Variants in GPR149 observed in about 807,000 individuals in gnomAD.
The protein encoded by GPR149 is G protein-coupled receptor 149, also known as probable G protein-coupled receptor 149.
Under a neutral mutation model 50.2 loss-of-function variants are expected in GPR149, and 50 were observed. The observed-to-expected ratio is 1.00, with a 90% CI of 0.79 to 1.26. The LOEUF (loss-of-function observed/expected upper bound fraction) is 1.26, where lower values mean the gene tolerates loss of function less well. Ranked by LOEUF, GPR149 falls within the 50% of genes most tolerant of loss-of-function variation. The pLI is 0.00. For synonymous variants in GPR149, 405 were observed against 358.2 expected, an observed-to-expected ratio of 1.13 and a Z score of -1.48; for missense variants, 983 against 895.4, an observed-to-expected ratio of 1.10 and a Z score of -1.25.
intron 3 of GPR149, among the ~76,000 whole-genome samples, chr3:154,403,102 C>T (rs966675730): frequency 6.6e-6 from 1 of 152,158 alleles, no homozygotes; most frequent in Non-Finnish European, 1.5e-5. Flanking sequence ...AGCAGGGCTT[C>T]TGTCTTTGGC....
intron 3 of GPR149, among the ~76,000 whole-genome samples, chr3:154,345,596 C>A (rs1713907358): frequency 6.6e-6 from 1 of 152,128 alleles, no homozygotes; most frequent in Non-Finnish European, 1.5e-5. Context: ...GAGAAGACAG[C>A]ATGCCATGTA....
chr3:154,410,850 A>T (rs550771724), intron 3 of GPR149, among the ~76,000 whole-genome samples: 1 of 152,174 alleles, frequency 6.6e-6, no homozygotes, highest in Non-Finnish European at 1.5e-5. Context: ...GACTTAACAG[A>T]TATTTACAAA....
At chr3:154,369,921 G>T (rs1448398620) in intron 3 of GPR149, among the ~76,000 whole-genome samples, 1 of 152,132 alleles carries the variant, frequency 6.6e-6, no homozygotes, top group East Asian at 1.9e-4. Context: ...CGGAGGAGAG[G>T]GAAAAATTCC....
intron 3 of GPR149, among the ~76,000 whole-genome samples, chr3:154,383,343 G>A (rs1261633661): frequency 6.6e-6 from 1 of 152,068 alleles, no homozygotes; most frequent in East Asian, 1.9e-4. Context: ...TTGAAATCAT[G>A]GGCAGTTCCA....
intron 2 of GPR149, among the ~76,000 whole-genome samples, chr3:154,426,079 T>C (rs1220169288): frequency 6.6e-6 from 1 of 152,188 alleles, no homozygotes; most frequent in Non-Finnish European, 1.5e-5. Context: ...GTTTGTGAAT[T>C]GTTTCCTTTA....
chr3:154,370,919 C>T (rs899909756), intron 3 of GPR149, among the ~76,000 whole-genome samples: 1 of 152,064 alleles, frequency 6.6e-6, no homozygotes, highest in Non-Finnish European at 1.5e-5. Context: ...GACATATTAG[C>T]CAAAGCTGGG....
At chr3:154,399,935 T>C (rs1037194988) in intron 3 of GPR149, among the ~76,000 whole-genome samples, 6 of 152,210 alleles carry the variant, frequency 3.9e-5, no homozygotes, top group African/African-American at 1.4e-4. Flanking sequence ...CTCTCAATAG[T>C]ACTTCTGTAC....
intron 2 of GPR149, 76 bp downstream of exon 2, chr3:154,427,440 A>G: frequency 1.5e-6 from 2 of 1,345,944 alleles, no homozygotes; most frequent in South Asian, 1.4e-5. Context: ...TACTGAGGCA[A>G]CTTTGTTAAT....
chr3:154,427,420 C>G, intron 2 of GPR149, 96 bp downstream of exon 2: 4 of 968,302 alleles, frequency 4.1e-6, no homozygotes, highest in Non-Finnish European at 6.2e-6. Context: ...TCCTTGGACT[C>G]TCCATCCCCT....
chr3:154,380,512 A>G (rs528162731), intron 3 of GPR149, among the ~76,000 whole-genome samples: 1 of 152,262 alleles, frequency 6.6e-6, no homozygotes, highest in South Asian at 2.1e-4. Context: ...CACTATTCCT[A>G]CATTTATATG....
At chr3:154,414,768 G>A (rs1711939999) in intron 3 of GPR149, among the ~76,000 whole-genome samples, 1 of 151,788 alleles carries the variant, frequency 6.6e-6, no homozygotes, top group African/African-American at 2.4e-5. Context: ...ACTAATTGAG[G>A]GGTATTCCAA....
chr3:154,403,412 G>A (rs762889258), intron 3 of GPR149, among the ~76,000 whole-genome samples: 1 of 152,144 alleles, frequency 6.6e-6, no homozygotes, highest in Non-Finnish European at 1.5e-5. Flanking sequence ...GAGGGTGTCA[G>A]CGCTTTTTAT....
chr3:154,338,914 C>T (rs892155195), intron 3 of GPR149, among the ~76,000 whole-genome samples: 4 of 152,058 alleles, frequency 2.6e-5, no homozygotes, highest in Non-Finnish European at 4.4e-5. Flanking sequence ...CAAAAACTTG[C>T]CTAAAAGGGT....
At position 154,337,640 on chromosome 3, in the gene GPR149, T is replaced by C; in HGVS notation, c.*59A>G. On this transcript the variant is annotated 3_prime_UTR_variant, in exon 4 of 4. Coordinates refer to ENST00000389740, the MANE Select transcript of GPR149 (RefSeq NM_001038705.3). ...AAGGAAATCAGTCTCATAACAAAGG[T>C]GTTAGTTTCACAGTTGACGTTGCAG... The C allele has an allele frequency of 1.6e-6, 2 of 1,216,420 alleles. No individual in the cohort carries two copies. The highest frequency in any genetic ancestry group is 2.0e-4 in the Middle Eastern group (1 of 5,062). The allele number at this position is 1,216,420 out of a possible 1,614,324, so 75.4% of individuals were successfully genotyped here. A position where few individuals can be genotyped will look rare whatever the true frequency, so the allele number is the denominator to read the frequency against.
Position 154,352,519 on chromosome 3 carries a change from T to G in GPR149, c.1624-14248A>C. 5 of 774,988 alleles carry G rather than the reference T, an allele frequency of 6.5e-6. No individual in the cohort carries two copies. The Admixed American group carries it at 8.5e-5, about 13-fold the overall frequency. 48.0% of individuals were successfully genotyped at this position (774,988 alleles called of 1,614,324 possible). ...TGAGACGCTGTATTACTACTTAGCTTTCTATTAAGTTCTTTCCAGGCACAG... is the reference window on the plus strand; with the variant it reads ...TGAGACGCTGTATTACTACTTAGCTGTCTATTAAGTTCTTTCCAGGCACAG... On this transcript the variant is annotated intron_variant, in intron 3 of 3. Transcript: ENST00000389740.
chr3:154,389,098 T>A (rs1425283187), intron 3 of GPR149, among the ~76,000 whole-genome samples: 1 of 152,114 alleles, frequency 6.6e-6, no homozygotes, highest in East Asian at 1.9e-4. Context: ...TTATGGAGTA[T>A]TAATTTCACA....
chr3:154,369,969 T>C (rs1365792366), intron 3 of GPR149, among the ~76,000 whole-genome samples: 2 of 152,194 alleles, frequency 1.3e-5, no homozygotes, highest in Non-Finnish European at 2.9e-5. Context: ...TAGACCCTTA[T>C]TGGGATACTG....
chr3:154,364,667 G>A lies in GPR149; in HGVS notation c.1624-26396C>T, dbSNP rs114102311. Among the ~76,000 whole-genome samples the A allele has an allele frequency of 4.0e-3, 612 of 152,338 alleles. 1 individual carries two copies. Among genetic ancestry groups the A allele is most frequent in the Middle Eastern group, 0.014 (4 of 294 alleles). On this transcript the variant is annotated intron_variant, in intron 3 of 3. Transcript: ENST00000389740. ...TCCAAAACCTAAAAGGGAAAACAACGTTGAATATCAAGTCTTGAGAATAAT... is the reference window on the plus strand; with the variant it reads ...TCCAAAACCTAAAAGGGAAAACAACATTGAATATCAAGTCTTGAGAATAAT...
At chr3:154,368,845 G>A (rs934787594) in intron 3 of GPR149, among the ~76,000 whole-genome samples, 5 of 152,194 alleles carry the variant, frequency 3.3e-5, no homozygotes, top group African/African-American at 7.2e-5. Flanking sequence ...CCAGGCCCAC[G>A]TAAATTGGGC....
Sources: allele counts gnomAD v4.1 joint callset (sites outside exome capture counted in the v4.1 genomes callset), GRCh38; gene constraint gnomAD v4.1.1; transcripts MANE v1.5; gene names NCBI Gene and HGNC (gene_info 2026-07-23, HGNC 2026-07-21).